The following PLAAT3 variants were observed in gnomAD, a reference collection of about 807,000 sequenced individuals.
PLAAT3 encodes phospholipase A and acyltransferase 3.
Under a neutral mutation model 16.7 loss-of-function variants are expected in PLAAT3, and 21 were observed. The ratio of observed to expected loss-of-function variants is 1.26; its 90% CI spans 0.89 to 1.81. The LOEUF (loss-of-function observed/expected upper bound fraction) is 1.81, where lower values mean the gene tolerates loss of function less well. PLAAT3 is among the 40% of genes most tolerant of loss of function. PLAAT3 has a pLI of 0.00. For synonymous variants in PLAAT3, 76 were observed against 81.7 expected (o/e 0.93, Z 0.38); for missense variants, 219 against 213.7 (o/e 1.02, Z -0.16).
upstream of PLAAT3, among the ~76,000 whole-genome samples, chr11:63,615,402 G>A (rs935371664): frequency 9.6e-4 from 4 of 4,158 alleles, 1 homozygote; most frequent in Non-Finnish European, 0.014. Context: ...ATATATGTGT[G>A]TATATGTGTG....
At chr11:63,580,700 T>C (rs1182224762) in intron 4 of PLAAT3, among the ~76,000 whole-genome samples, 4 of 152,278 alleles carry the variant, frequency 2.6e-5, no homozygotes, top group East Asian at 1.9e-4. Context: ...ATTATTCAGA[T>C]GGGCCCAATG....
In PLAAT3 at chr11:63,597,203, G is replaced by A. The variant is rs143222863; in HGVS notation, c.118+858C>T. ...TGGTAAGTTTCCTGAGGCGTCCCCA[G>A]CCATGCAGAACTGTGAGTCAATTAA... is the stretch of plus-strand genomic sequence containing the variant. On this transcript the variant is annotated intron_variant, in intron 3 of 4. Coordinates refer to ENST00000415826, the MANE Select transcript of PLAAT3 (RefSeq NM_001128203.2). Among the ~76,000 whole-genome samples, 1,409 of 152,034 alleles carry A rather than the reference G, an allele frequency of 9.3e-3. 27 individuals carry two copies. The highest frequency in any genetic ancestry group is 0.032 in the African/African-American group (1,336 of 41,478).
intron 2 of PLAAT3, among the ~76,000 whole-genome samples, chr11:63,611,522 C>T (rs1399568834): frequency 6.6e-6 from 1 of 152,214 alleles, no homozygotes; most frequent in Non-Finnish European, 1.5e-5. Flanking sequence ...TCAGAGAACA[C>T]GCAGTTATCA....
chr11:63,590,833 A>G (rs1384979755), intron 3 of PLAAT3, among the ~76,000 whole-genome samples: 2 of 152,182 alleles, frequency 1.3e-5, no homozygotes, highest in African/African-American at 4.8e-5. Context: ...CAAAACGCAC[A>G]GCTGTCCCCC....
intron 2 of PLAAT3, among the ~76,000 whole-genome samples, chr11:63,611,584 C>G (rs1197273406): frequency 6.6e-6 from 1 of 152,178 alleles, no homozygotes; most frequent in Non-Finnish European, 1.5e-5. Flanking sequence ...CAATCAGTTC[C>G]TAAAGGCTCA....
chr11:63,586,233 A>G (rs952475283), intron 4 of PLAAT3, among the ~76,000 whole-genome samples: 7 of 152,154 alleles, frequency 4.6e-5, no homozygotes, highest in African/African-American at 1.4e-4. Flanking sequence ...TCCAGGGTTC[A>G]AGCGATTCTC....
At chr11:63,610,192 C>T (rs1938659723) in intron 2 of PLAAT3, among the ~76,000 whole-genome samples, 1 of 152,230 alleles carries the variant, frequency 6.6e-6, no homozygotes, top group South Asian at 2.1e-4. Flanking sequence ...CTCTGCCTCA[C>T]CGCACTCTCG....
intron 4 of PLAAT3, among the ~76,000 whole-genome samples, chr11:63,587,411 C>A (rs532653744): frequency 3.6e-4 from 54 of 151,908 alleles, no homozygotes; most frequent in Admixed American, 1.4e-3. Context: ...GACAATAAAC[C>A]AATGCCTTCA....
intron 2 of PLAAT3, among the ~76,000 whole-genome samples, chr11:63,603,384 G>A (rs1288305824): frequency 2.6e-5 from 4 of 152,090 alleles, no homozygotes; most frequent in African/African-American, 4.8e-5. Context: ...CGGGATTTCA[G>A]AACAAAAAGC....
At chr11:63,596,941 G>A (rs1565252995) in intron 3 of PLAAT3, among the ~76,000 whole-genome samples, 1 of 151,800 alleles carries the variant, frequency 6.6e-6, no homozygotes, top group African/African-American at 2.4e-5. Flanking sequence ...ACTAAAAATA[G>A]AAAAATTAGT....
Position 63,590,332 on chromosome 11 carries a change from G to A in PLAAT3, c.155C>T (p.Ser52Phe), listed in dbSNP as rs1490350309. The A allele has an allele frequency of 1.1e-5, 18 of 1,613,680 alleles. No homozygotes were observed. Among genetic ancestry groups the A allele is most frequent in the Non-Finnish European group, 1.4e-5 (17 of 1,179,692 alleles). Reference protein sequence around the residue: ...VAGAGAASVMSALTDKAIVKK... With the variant: ...VAGAGAASVMFALTDKAIVKK... ...CACGATGGCCTTGTCAGTCAGGGCG[G>A]ACATGACACTGGCTGCACCAGCTCC... The change falls in exon 4 of 5, where the codon TCC (serine) becomes TTC (phenylalanine). Residue 52 changes from serine (S) to phenylalanine (F), a missense_variant. Transcript: ENST00000415826.
intron 2 of PLAAT3, among the ~76,000 whole-genome samples, chr11:63,604,365 C>T (rs184544091): frequency 2.0e-5 from 3 of 152,216 alleles, no homozygotes; most frequent in East Asian, 3.9e-4. Context: ...GGAAAAAATA[C>T]TCATGTTGAT....
intron 4 of PLAAT3, among the ~76,000 whole-genome samples, chr11:63,580,952 T>A (rs1044620862): frequency 5.9e-5 from 9 of 152,214 alleles, no homozygotes; most frequent in Admixed American, 1.3e-4. Context: ...ATTAATACTT[T>A]CATAACTTCT....
chr11:63,613,171 C>A (rs1259750607), intron 2 of PLAAT3, among the ~76,000 whole-genome samples: 1 of 152,072 alleles, frequency 6.6e-6, no homozygotes, highest in African/African-American at 2.4e-5. Flanking sequence ...CAGCACTTTG[C>A]GAGACCGAGG....
At position 63,598,143 on chromosome 11, in the gene PLAAT3, G is replaced by T. The variant is rs766854304; in HGVS notation, c.36C>A (p.Asp12Glu). Residue 12 changes from aspartate to glutamate, a missense_variant, in exon 3 of 5, where the codon GAC (aspartate) becomes GAA (glutamate). Coordinates refer to ENST00000415826, the MANE Select transcript of PLAAT3 (RefSeq NM_001128203.2). ...RAPIPEPKPG[D>E]LIEIFRPFYR... ...AGAAAGGGCGAAAAATCTCAATCAG[G>T]TCTCCAGGCTTAGGCTCTGGCTGCA... 2 of 1,613,784 alleles carry T rather than the reference G, an allele frequency of 1.2e-6. No homozygotes were observed. Among genetic ancestry groups the T allele is most frequent in the East Asian group, 2.2e-5 (1 of 44,874 alleles).
intron 4 of PLAAT3, among the ~76,000 whole-genome samples, chr11:63,578,666 C>T (rs1468409099): frequency 1.3e-5 from 2 of 151,278 alleles, no homozygotes; most frequent in African/African-American, 4.8e-5. Context: ...ACTGGCTAGC[C>T]ATATGTAGAA....
intron 4 of PLAAT3, among the ~76,000 whole-genome samples, chr11:63,587,310 T>A (rs1031786432): frequency 2.0e-5 from 3 of 151,996 alleles, no homozygotes; most frequent in Admixed American, 1.3e-4. Context: ...GAAGATTCTA[T>A]ACAGTTCTGA....
At chr11:63,596,790 A>G (rs531768315) in intron 3 of PLAAT3, among the ~76,000 whole-genome samples, 1 of 152,112 alleles carries the variant, frequency 6.6e-6, no homozygotes, top group East Asian at 1.9e-4. Flanking sequence ...TTCTCACAAG[A>G]TCTGATGGTT....
At chr11:63,613,828 A>G (rs1382876175) in intron 2 of PLAAT3, among the ~76,000 whole-genome samples, 172 bp downstream of exon 2, 1 of 152,154 alleles carries the variant, frequency 6.6e-6, no homozygotes, top group African/African-American at 2.4e-5. Context: ...ACAACTCCCA[A>G]CAGGTGCGCG....
Sources: allele counts gnomAD v4.1 joint callset (sites outside exome capture counted in the v4.1 genomes callset), GRCh38; gene constraint gnomAD v4.1.1; transcripts MANE v1.5; gene names NCBI Gene and HGNC (gene_info 2026-07-23, HGNC 2026-07-21).